Variants in GANC observed in about 807,000 individuals in gnomAD.
GANC encodes glucosidase alpha, neutral C, also known as neutral alpha-glucosidase C.
A neutral mutation model predicts 124.2 loss-of-function variants in GANC; 117 were observed. The observed-to-expected ratio is 0.94, with a 90% CI of 0.81 to 1.10. The LOEUF is 1.10. GANC is among the 50% of genes least tolerant of loss of function. The pLI is 0.00. For synonymous variants in GANC, 377 were observed against 376.8 expected (o/e 1.00, Z -0.01); for missense variants, 1,140 against 1,095.0 (o/e 1.04, Z -0.58).
intron 3 of GANC, 148 bp from the exon 4 acceptor site, chr15:42,287,543 G>C: frequency 1.4e-6 from 1 of 711,690 alleles, no homozygotes; most frequent in Non-Finnish European, 2.2e-6. Flanking sequence ...ACATAAACTG[G>C]GGAGCTTTTT....
At chr15:42,345,423 T>C (rs1192461059) in intron 19 of GANC, among the ~76,000 whole-genome samples, 2 of 152,204 alleles carry the variant, frequency 1.3e-5, no homozygotes, top group African/African-American at 4.8e-5. Context: ...AAATGGACTA[T>C]AAGATCCATG....
At chr15:42,336,498 C>T (rs993242920) in intron 15 of GANC, among the ~76,000 whole-genome samples, 1 of 152,148 alleles carries the variant, frequency 6.6e-6, no homozygotes, top group Non-Finnish European at 1.5e-5. Flanking sequence ...GGATTAAAGA[C>T]TTAACAGTAA....
chr15:42,322,152 A>C, intron 11 of GANC, 132 bp downstream of exon 11: 1 of 712,116 alleles, frequency 1.4e-6, no homozygotes, highest in Non-Finnish European at 2.3e-6. Context: ...TTCAAATATA[A>C]TTGTCACTGT....
chr15:42,322,615 G>A (rs141439192), intron 11 of GANC, among the ~76,000 whole-genome samples: 2 of 152,166 alleles, frequency 1.3e-5, no homozygotes, highest in Non-Finnish European at 2.9e-5. Context: ...GAAGGGTAAG[G>A]GGGGAGTAGC....
At chr15:42,310,486 A>C (rs1397067544) in intron 9 of GANC, 23 bp downstream of exon 9, 1 of 1,568,230 alleles carries the variant, frequency 6.4e-7, no homozygotes, top group African/African-American at 1.4e-5. Context: ...TCATGGCTAC[A>C]TGTCATACTT....
chr15:42,284,080 T>G (rs1488702567), intron 3 of GANC: 2 of 678,516 alleles, frequency 2.9e-6, no homozygotes, highest in Non-Finnish European at 5.4e-6. Flanking sequence ...GTTCTATGTC[T>G]TTTAGGTTAA....
At chr15:42,321,719 A>G (rs1360192279) in intron 10 of GANC, 66 bp from the exon 11 acceptor site, 6 of 1,331,568 alleles carry the variant, frequency 4.5e-6, no homozygotes, top group Non-Finnish European at 6.5e-6. Context: ...CATTCAGGAA[A>G]TGTTTATCAA....
Position 42,344,404 on chromosome 15 carries a change from G to C in GANC, c.2229+1250G>C, listed in dbSNP as rs1310549886. Among the ~76,000 whole-genome samples the C allele has an allele frequency of 2.0e-5, 3 of 152,124 alleles. No homozygotes were observed. In the East Asian group the frequency reaches 5.8e-4, roughly 29 times the overall value. On this transcript the variant is annotated intron_variant, in intron 19 of 23. Coordinates refer to ENST00000318010, the MANE Select transcript of GANC (RefSeq NM_198141.3). ...ATCTTCATGTTGCCTTTTCCTCTGT[G>C]TGTCTCTGTCTATCTCTTATAAGGA...
At chr15:42,294,451 T>C (rs2051871866) in intron 5 of GANC, among the ~76,000 whole-genome samples, 1 of 150,892 alleles carries the variant, frequency 6.6e-6, no homozygotes, top group African/African-American at 2.5e-5. Context: ...GGCACATGCC[T>C]GTAGTCCCAG....
intron 10 of GANC, among the ~76,000 whole-genome samples, chr15:42,318,883 C>T (rs187147012): frequency 3.4e-4 from 52 of 152,244 alleles, no homozygotes; most frequent in African/African-American, 7.7e-4. Flanking sequence ...TGTGAGCCAC[C>T]ATGCCTGGCC....
chr15:42,337,291 A>G (rs532400007), intron 15 of GANC, among the ~76,000 whole-genome samples: 6 of 152,212 alleles, frequency 3.9e-5, no homozygotes, highest in African/African-American at 1.4e-4. Context: ...ACACCATGGA[A>G]TACTATGCAG....
At chr15:42,318,047 G>T (rs533796814) in intron 10 of GANC, among the ~76,000 whole-genome samples, 3 of 152,250 alleles carry the variant, frequency 2.0e-5, no homozygotes, top group African/African-American at 7.2e-5. Context: ...ATGCTCAAGG[G>T]TGTCTGTTAC....
intron 21 of GANC, among the ~76,000 whole-genome samples, chr15:42,348,502 T>C (rs1013348172): frequency 6.6e-6 from 1 of 152,222 alleles, no homozygotes; most frequent in African/African-American, 2.4e-5. Context: ...TTTTGGGCCA[T>C]AGACAGCCTT....
In GANC at chr15:42,321,832, C is replaced by T. The variant is rs370925149; in HGVS notation, c.1105C>T (p.Arg369Cys). ...PLFSLGYHQC[R>C]WNYEDEQDVK... is the part of the protein sequence containing the mutation. The stretch of plus-strand genomic sequence containing the variant: ...TTTCTCTTTGGGATACCACCAGTGC[C>T]GCTGGAACTATGAAGATGAGCAGGA... The change falls in exon 11 of 24, where the codon CGC becomes TGC. Residue 369 changes from arginine to cysteine, a missense_variant. Coordinates refer to ENST00000318010, the MANE Select transcript of GANC (RefSeq NM_198141.3). The T allele has an allele frequency of 2.8e-5, 45 of 1,614,066 alleles. 1 individual carries two copies. In the South Asian group the frequency reaches 4.0e-4, roughly 14 times the overall value.
intron 15 of GANC, among the ~76,000 whole-genome samples, chr15:42,333,154 CCT>C (rs1566959701): frequency 6.6e-6 from 1 of 150,886 alleles, no homozygotes; most frequent in Admixed American, 6.6e-5. Context: ...ATGGTGAAAC[CCT>C]GTCTCTACTA....
intron 5 of GANC, among the ~76,000 whole-genome samples, chr15:42,295,872 T>G (rs960276808): frequency 6.6e-6 from 1 of 152,128 alleles, no homozygotes; most frequent in African/African-American, 2.4e-5. Flanking sequence ...CTGGGCACAA[T>G]GGCTCATGGC....
intron 5 of GANC, 80 bp downstream of exon 5, chr15:42,292,997 T>A: frequency 7.5e-7 from 1 of 1,325,072 alleles, no homozygotes; most frequent in Non-Finnish European, 1.0e-6. Context: ...ATAGATAACA[T>A]AGCACCATAG....
chr15:42,277,643 C>T (rs1566947733), intron 2 of GANC, among the ~76,000 whole-genome samples: 3 of 151,854 alleles, frequency 2.0e-5, no homozygotes, highest in African/African-American at 4.8e-5. Flanking sequence ...CTCTGTCACC[C>T]AGGCTGGAGT....
rs1425806369 is a variant in GANC, at chr15:42,277,980, A to G, written c.93-502A>G. On this transcript the variant is annotated intron_variant, in intron 2 of 23. Coordinates refer to ENST00000318010, the MANE Select transcript of GANC (RefSeq NM_198141.3). Reference sequence around the variant, plus strand: ...TGAAACTGAAATAATCAAAAATTGTATTATACAGTATAGCTTTCTAACATA... The same window carrying G: ...TGAAACTGAAATAATCAAAAATTGTGTTATACAGTATAGCTTTCTAACATA... 7.0e-5 allele frequency: 17 copies of G among 242,534 alleles called. No homozygotes were observed. In the Admixed American group the frequency reaches 7.9e-4, roughly 11 times the overall value. 15.0% of individuals were successfully genotyped at this position (242,534 alleles called of 1,614,324 possible).
Sources: allele counts gnomAD v4.1 joint callset (sites outside exome capture counted in the v4.1 genomes callset), GRCh38; gene constraint gnomAD v4.1.1; transcripts MANE v1.5; gene names NCBI Gene and HGNC (gene_info 2026-07-23, HGNC 2026-07-21).